The following DCC variants were observed in gnomAD, a reference collection of about 807,000 sequenced individuals.
DCC encodes the protein netrin receptor DCC.
DCC carries 58 observed loss-of-function variants against 172.5 expected under a neutral mutation model. The ratio of observed to expected loss-of-function variants is 0.34; its 90% CI spans 0.27 to 0.42. DCC has a LOEUF of 0.42. DCC is among the 10% of genes least tolerant of loss of function. The pLI is 1.00. For synonymous variants in DCC, 709 were observed against 644.5 expected, an observed-to-expected ratio of 1.10 and a Z score of -1.52; for missense variants, 1,740 against 1,791.0, an observed-to-expected ratio of 0.97 and a Z score of 0.51.
intron 7 of DCC, among the ~76,000 whole-genome samples, chr18:53,097,111 G>A (rs554060839): frequency 2.0e-5 from 3 of 152,272 alleles, no homozygotes; most frequent in African/African-American, 4.8e-5. Flanking sequence ...TTGTATTACT[G>A]TGCCCATGCA....
Position 52,587,405 on chromosome 18 carries a change from T to A in DCC, c.92-164649T>A, listed in dbSNP as rs143670549. On this transcript the variant is annotated intron_variant, in intron 1 of 28. Transcript: ENST00000442544. Reference sequence around the variant, plus strand: ...AGAACGGGTCATCCTATCCACTTGATTATTAAAATCCTCCTCTGCTAAGGT... The same window carrying A: ...AGAACGGGTCATCCTATCCACTTGAATATTAAAATCCTCCTCTGCTAAGGT... 3.1e-4 allele frequency among the ~76,000 whole-genome samples: 47 copies of A among 152,258 alleles called. No individual in the cohort carries two copies. The East Asian group carries it at 8.9e-3, about 29-fold the overall frequency.
chr18:53,143,434 C>T (rs184519730), intron 7 of DCC, among the ~76,000 whole-genome samples: 3 of 152,264 alleles, frequency 2.0e-5, no homozygotes, highest in East Asian at 1.9e-4. Flanking sequence ...ATTTCCTATC[C>T]CTTACCTCTA....
At chr18:53,274,819 T>A (rs1370051890) in intron 12 of DCC, among the ~76,000 whole-genome samples, 2 of 152,220 alleles carry the variant, frequency 1.3e-5, no homozygotes, top group Non-Finnish European at 1.5e-5. Context: ...TCACCTAGGA[T>A]CCTTTAGAAA....
chr18:52,856,045 G>A (rs1407245768), intron 2 of DCC, among the ~76,000 whole-genome samples: 2 of 151,724 alleles, frequency 1.3e-5, no homozygotes, highest in Admixed American at 1.3e-4. Context: ...GATTACAGGC[G>A]TGAGCCACCG....
At chr18:53,057,332 T>C (rs1366054862) in intron 5 of DCC, among the ~76,000 whole-genome samples, 1 of 152,120 alleles carries the variant, frequency 6.6e-6, no homozygotes, top group Non-Finnish European at 1.5e-5. Context: ...AAGGTTTGCC[T>C]GTACAACTCT....
At chr18:52,474,973 TAGTTATTCTTTGG>T (rs1181178475) in intron 1 of DCC, among the ~76,000 whole-genome samples, 1 of 152,236 alleles carries the variant, frequency 6.6e-6, no homozygotes, top group Non-Finnish European at 1.5e-5. Flanking sequence ...CCTCTGATAT[TAGTTATTCTTTGG>T]AGCTTCTTCA....
intron 12 of DCC, among the ~76,000 whole-genome samples, chr18:53,242,724 G>A (rs1308050465): frequency 6.6e-6 from 1 of 152,098 alleles, no homozygotes; most frequent in Non-Finnish European, 1.5e-5. Context: ...TGCTGGACAG[G>A]CCTGATACAC....
chr18:52,937,273 AGAT>A (rs1326123258), intron 5 of DCC, among the ~76,000 whole-genome samples: 1 of 152,188 alleles, frequency 6.6e-6, no homozygotes, highest in Non-Finnish European at 1.5e-5. Flanking sequence ...ACTCAGAAGA[AGAT>A]AGCAGTGAAT....
intron 1 of DCC, among the ~76,000 whole-genome samples, chr18:52,358,117 G>T (rs1294111495): frequency 7.2e-5 from 11 of 152,072 alleles, no homozygotes; most frequent in Admixed American, 2.0e-4. Context: ...ATGAGAAAAA[G>T]AGTAGACAAA....
At chr18:53,001,599 A>C (rs1231424826) in intron 5 of DCC, among the ~76,000 whole-genome samples, 1 of 152,112 alleles carries the variant, frequency 6.6e-6, no homozygotes, top group East Asian at 1.9e-4. Context: ...AAGCTACAAG[A>C]GACTGTTTCC....
intron 5 of DCC, among the ~76,000 whole-genome samples, chr18:53,019,513 T>C (rs1029834670): frequency 2.0e-5 from 3 of 152,158 alleles, no homozygotes; most frequent in Admixed American, 6.5e-5. Flanking sequence ...TTACATACTC[T>C]TAATAGTTCA....
At chr18:53,473,035 T>C (rs2045717733) in intron 25 of DCC, among the ~76,000 whole-genome samples, 1 of 152,214 alleles carries the variant, frequency 6.6e-6, no homozygotes, top group Admixed American at 6.5e-5. Flanking sequence ...AATGACTCAG[T>C]GGATAGCTCA....
At chr18:52,480,053 C>T (rs973225209) in intron 1 of DCC, among the ~76,000 whole-genome samples, 1 of 152,096 alleles carries the variant, frequency 6.6e-6, no homozygotes, top group African/African-American at 2.4e-5. Context: ...TTATTAACCC[C>T]TAAGACTCAG....
intron 12 of DCC, among the ~76,000 whole-genome samples, chr18:53,237,822 G>A (rs1396635424): frequency 6.6e-6 from 1 of 152,064 alleles, no homozygotes; most frequent in African/African-American, 2.4e-5. Flanking sequence ...AAACCGAGCT[G>A]CTGGCATTAA....
intron 22 of DCC, among the ~76,000 whole-genome samples, chr18:53,437,582 C>CAAAAAAAA (rs74180424): frequency 4.8e-5 from 1 of 20,836 alleles, no homozygotes; most frequent in Non-Finnish European, 7.5e-5. Context: ...GGCTCCATCT[C>CAAAAAAAA]AAAAAAAAAA....
chr18:52,813,747 A>G (rs992683701), intron 2 of DCC, among the ~76,000 whole-genome samples: 20 of 152,200 alleles, frequency 1.3e-4, no homozygotes, highest in African/African-American at 4.1e-4. Context: ...CATGTAATCA[A>G]TTGAAAGCCT....
chr18:52,951,731 A>T (rs2040651421), intron 5 of DCC, among the ~76,000 whole-genome samples: 1 of 152,240 alleles, frequency 6.6e-6, no homozygotes. Context: ...AGTATTCTGA[A>T]CATGTTAATT....
chr18:53,462,922 T>G (rs2145174211), intron 24 of DCC, among the ~76,000 whole-genome samples: 1 of 152,374 alleles, frequency 6.6e-6, no homozygotes, highest in African/African-American at 2.4e-5. Flanking sequence ...TGAGAGAGCT[T>G]GCACTCTACC....
chr18:53,098,706 C>T (rs2043121453), intron 7 of DCC, among the ~76,000 whole-genome samples: 1 of 152,078 alleles, frequency 6.6e-6, no homozygotes, highest in Admixed American at 6.6e-5. Flanking sequence ...TACTTTGCCC[C>T]CCTTTATAAT....
Sources: allele counts gnomAD v4.1 joint callset (sites outside exome capture counted in the v4.1 genomes callset), GRCh38; gene constraint gnomAD v4.1.1; transcripts MANE v1.5; gene names NCBI Gene and HGNC (gene_info 2026-07-23, HGNC 2026-07-21).